Variants in PIEZO1 observed in about 807,000 individuals in gnomAD.
PIEZO1 encodes the protein piezo type mechanosensitive ion channel component 1 (Er blood group).
PIEZO1 carries 296 observed loss-of-function variants against 297.2 expected under a neutral mutation model. That is an observed-to-expected ratio of 1.00 (90% CI 0.91 to 1.10). PIEZO1 has a LOEUF of 1.10. Among genes scored for constraint, PIEZO1 ranks in the 50% least tolerant of loss-of-function variants. The pLI is 0.00. For synonymous variants in PIEZO1, 2,427 were observed against 1,507.5 expected (o/e 1.61, Z -14.13); for missense variants, 5,018 against 3,455.5 (o/e 1.45, Z -11.34).
rs1213956309 is a variant in PIEZO1, at chr16:88,732,350, G to A, written c.2976C>T (p.Tyr992=). The A allele has an allele frequency of 1.5e-5, 23 of 1,549,354 alleles. No individual in the cohort carries two copies. Among genetic ancestry groups the A allele is most frequent in the South Asian group, 8.3e-5 (7 of 84,044 alleles). ...CLKYFINFFF[Y]KFGLEICFLM... Reference sequence around the variant, plus strand: ...CTTGCCTCACCTCCAGCCCGAATTTGTAGAAGAAGAAGTTGATGAAGTACT... The same window carrying A: ...CTTGCCTCACCTCCAGCCCGAATTTATAGAAGAAGAAGTTGATGAAGTACT... Residue 992 remains tyrosine (Y), a synonymous_variant, in exon 21 of 51, where the codon TAC becomes TAT. Transcript: ENST00000301015.
At chr16:88,717,307 C>T (rs1241721216) in intron 44 of PIEZO1, 96 bp from the exon 45 acceptor site, 4 of 1,095,204 alleles carry the variant, frequency 3.7e-6, no homozygotes, top group Non-Finnish European at 5.4e-6. Flanking sequence ...CAGAAAAGCC[C>T]CAGCCTGACC....
At chr16:88,763,636 A>G (rs1009506557) in intron 1 of PIEZO1, among the ~76,000 whole-genome samples, 1 of 152,240 alleles carries the variant, frequency 6.6e-6, no homozygotes, top group African/African-American at 2.4e-5. Flanking sequence ...TCAGGGCAGC[A>G]CTGGGTAACA....
chr16:88,738,400 C>A lies in PIEZO1; in HGVS notation c.675G>T (p.Leu225=), dbSNP rs1597462102. Residue 225 remains leucine, a synonymous_variant, in exon 7 of 51, where the codon CTG becomes CTT. Transcript: ENST00000301015. ...HPSALSSVYL[L]LFLALCTWWA... is the part of the protein sequence containing the mutation. ...ACCAGGTGCAGAGGGCCAGGAAGAG[C>A]AGCAGGTAGACACTGGAGAGGGCCG... 1.4e-5 allele frequency: 21 copies of A among 1,535,716 alleles called. No homozygotes were observed. The highest frequency in any genetic ancestry group is 1.8e-5 in the Non-Finnish European group (21 of 1,146,864).
At chr16:88,780,013 C>G (rs1351491803) in intron 1 of PIEZO1, among the ~76,000 whole-genome samples, 1 of 152,214 alleles carries the variant, frequency 6.6e-6, no homozygotes, top group Non-Finnish European at 1.5e-5. Flanking sequence ...GTGTCACTTA[C>G]AGGGGAGGAA....
At position 88,732,385 on chromosome 16, in the gene PIEZO1, C is replaced by G. The variant is rs529542524; in HGVS notation, c.2941G>C (p.Gly981Arg). The change falls in exon 21 of 51, where the codon GGC becomes CGC. Residue 981 changes from glycine to arginine, a missense_variant. By Grantham distance (125) the Gly-to-Arg change is moderately radical. Transcript: ENST00000301015. ...AAGTTGATGAAGTACTTGAGGCAGC[C>G]GAGCAGATCCTGGTCCAGCTGCTGG... ...TRQQLDQDLLGCLKYFINFFF... is the reference protein window; with the variant it reads ...TRQQLDQDLLRCLKYFINFFF... 1.9e-6 allele frequency: 3 copies of G among 1,549,666 alleles called. No homozygotes were observed. The African/African-American group carries it at 4.1e-5, about 21-fold the overall frequency.
chr16:88,764,478 C>T (rs1175201599), intron 1 of PIEZO1, among the ~76,000 whole-genome samples: 3 of 152,092 alleles, frequency 2.0e-5, no homozygotes, highest in African/African-American at 4.8e-5. Context: ...CCAGGCCGGG[C>T]GCGGTGGCTC....
intron 30 of PIEZO1, 73 bp downstream of exon 30, chr16:88,724,936 C>T: frequency 4.2e-6 from 4 of 950,610 alleles, no homozygotes; most frequent in Non-Finnish European, 6.0e-6. Flanking sequence ...GGGAAGATAG[C>T]AGGCCAGGCA....
rs1567665891 is a variant in PIEZO1, at chr16:88,726,406, CTCCTCCACAGGCAGCAGGCAG to C, written c.3825_3845del (p.Asp1275_Glu1281del). 6.4e-7 allele frequency: 1 copy of C among 1,550,544 alleles called. No individual in the cohort carries two copies. Among genetic ancestry groups the C allele is most frequent in the East Asian group, 2.4e-5 (1 of 40,920 alleles). ...AGACGCTGTCCCAGATGATGCCAGC[CTCCTCCACAGGCAGCAGGCAG>C]TCCTGGTCTCTGTCCATCATCTCCT... On this transcript the variant is annotated inframe_deletion, in exon 27 of 51. Transcript: ENST00000301015.
chr16:88,739,697 G>C (rs1201445836), intron 5 of PIEZO1: 1 of 152,514 alleles, frequency 6.6e-6, no homozygotes, highest in Non-Finnish European at 1.5e-5. Context: ...CAGGGCTGCA[G>C]GGGCTGCTGG....
intron 23 of PIEZO1, 89 bp from the exon 24 acceptor site, chr16:88,727,281 G>C: frequency 3.6e-6 from 5 of 1,383,484 alleles, no homozygotes; most frequent in South Asian, 1.5e-5. Flanking sequence ...CCCCAGGCCT[G>C]TCGGCGTGCA....
intron 1 of PIEZO1, among the ~76,000 whole-genome samples, chr16:88,766,397 A>G (rs1446805958): frequency 6.6e-6 from 1 of 152,206 alleles, no homozygotes; most frequent in African/African-American, 2.4e-5. Context: ...CAGCCCCACA[A>G]TCGCGTGCGT....
intron 1 of PIEZO1, among the ~76,000 whole-genome samples, chr16:88,773,175 C>T (rs187254538): frequency 2.0e-5 from 3 of 152,226 alleles, no homozygotes; most frequent in African/African-American, 4.8e-5. Flanking sequence ...CTCATTGATT[C>T]AGGCTGAGCC....
chr16:88,735,512 C>G (rs966353880), intron 12 of PIEZO1, among the ~76,000 whole-genome samples: 1 of 152,282 alleles, frequency 6.6e-6, no homozygotes, highest in Non-Finnish European at 1.5e-5. Context: ...CACTAGTTCA[C>G]GTGGGCACAG....
intron 22 of PIEZO1, chr16:88,731,410 G>A (rs1056204461): frequency 7.2e-6 from 3 of 417,328 alleles, no homozygotes; most frequent in Non-Finnish European, 1.3e-5. Flanking sequence ...GCCCGGAGAG[G>A]ACGCAGTGCT....
chr16:88,764,955 T>G lies in PIEZO1; in HGVS notation c.65-15476A>C, dbSNP rs186515986. 8.8e-3 allele frequency among the ~76,000 whole-genome samples: 1,337 copies of G among 152,012 alleles called. 24 individuals carry two copies. Among genetic ancestry groups the G allele is most frequent in the African/African-American group, 0.031 (1,281 of 41,450 alleles). On this transcript the variant is annotated intron_variant, in intron 1 of 50. Transcript: ENST00000301015. ...CTAAGAAGCCTGGCCATTGAAAACC[T>G]CCCGGTAGCCGCCTCTCAGGAGCAC... is the stretch of plus-strand genomic sequence containing the variant.
chr16:88,722,079 C>A lies in PIEZO1; in HGVS notation c.4956-13G>T, dbSNP rs979900400. 2 of 1,541,038 alleles carry A rather than the reference C, an allele frequency of 1.3e-6. No individual in the cohort carries two copies. The highest frequency in any genetic ancestry group is 2.0e-5 in the Admixed American group (1 of 50,798). The stretch of plus-strand genomic sequence containing the variant: ...GATGCGCAGGCGCCTACAGGGAGAC[C>A]CGCGTGTTTGGGGGAGTCTGGGACT... On this transcript the variant is annotated splice_polypyrimidine_tract_variant and intron_variant, in intron 36 of 50. Transcript: ENST00000301015.
At chr16:88,769,895 G>A (rs549891921) in intron 1 of PIEZO1, among the ~76,000 whole-genome samples, 230 of 152,326 alleles carry the variant, frequency 1.5e-3, no homozygotes, top group African/African-American at 5.0e-3. Flanking sequence ...GCATGGGGCG[G>A]AGTGTGGTTA....
In PIEZO1 at chr16:88,785,032, C is replaced by A; in HGVS notation, c.-68G>T. 2.0e-6 allele frequency: 2 copies of A among 1,014,062 alleles called. No homozygotes were observed. The highest frequency in any genetic ancestry group is 3.4e-5 in the African/African-American group (2 of 59,156). The allele number at this position is 1,014,062 out of a possible 1,614,324, so 62.8% of individuals were successfully genotyped here. ...CGGCGCTATGGGGCGGTGCGGGGGC[C>A]CCGGGGCCGGCGCGCCATGGCTGAC... On this transcript the variant is annotated 5_prime_UTR_variant, in exon 1 of 51. Transcript: ENST00000301015.
intron 1 of PIEZO1, among the ~76,000 whole-genome samples, chr16:88,771,235 T>A (rs553053211): frequency 7.7e-4 from 117 of 152,256 alleles, no homozygotes; most frequent in African/African-American, 2.6e-3. Flanking sequence ...TGACCCCCCC[T>A]TGGGAGGTCC....
Sources: allele counts gnomAD v4.1 joint callset (sites outside exome capture counted in the v4.1 genomes callset), GRCh38; gene constraint gnomAD v4.1.1; transcripts MANE v1.5; gene names NCBI Gene and HGNC (gene_info 2026-07-23, HGNC 2026-07-21).